PALM2AKAP2: variants seen among roughly 807,000 people sequenced by gnomAD.
PALM2AKAP2 encodes PALM2-AKAP2 fusion protein.
Under a neutral mutation model 71.5 loss-of-function variants are expected in PALM2AKAP2, and 37 were observed. That is an observed-to-expected ratio of 0.52 (90% CI 0.40 to 0.68). The LOEUF is 0.68. PALM2AKAP2 is among the 30% of genes least tolerant of loss of function. PALM2AKAP2 has a pLI of 0.00. For missense variants in PALM2AKAP2, 1,224 were observed against 1,191.8 expected, an observed-to-expected ratio of 1.03 and a Z score of -0.40; for synonymous variants, 468 against 478.8, an observed-to-expected ratio of 0.98 and a Z score of 0.29.
At chr9:110,046,751 A>C (rs987797359), upstream of PALM2AKAP2, among the ~76,000 whole-genome samples, 1 of 152,202 alleles carries the variant, frequency 6.6e-6, no homozygotes, top group Admixed American at 6.5e-5. Flanking sequence ...TACAGGCGTG[A>C]GCCACTTCAC....
At chr9:109,882,981 A>T (rs1174971666) in intron 3 of PALM2AKAP2, among the ~76,000 whole-genome samples, 2 of 152,142 alleles carry the variant, frequency 1.3e-5, no homozygotes, top group Non-Finnish European at 2.9e-5. Context: ...ACTGGGAAAC[A>T]TGGTCTTCCA....
chr9:110,026,040 A>G (rs1220683011), intron 7 of PALM2AKAP2, among the ~76,000 whole-genome samples: 2 of 151,554 alleles, frequency 1.3e-5, no homozygotes, highest in Non-Finnish European at 2.9e-5. Context: ...GGTTGCATCA[A>G]TCTCTCTTCT....
chr9:110,149,422 A>C (rs1377039306), intron 2 of PALM2AKAP2, among the ~76,000 whole-genome samples: 2 of 152,270 alleles, frequency 1.3e-5, no homozygotes, highest in African/African-American at 4.8e-5. Flanking sequence ...GCGTGGGCTA[A>C]TAATATTTAC....
chr9:109,789,810 A>G (rs1484878735), intron 1 of PALM2AKAP2, among the ~76,000 whole-genome samples: 1 of 152,216 alleles, frequency 6.6e-6, no homozygotes, highest in African/African-American at 2.4e-5. Flanking sequence ...TGTTGGAGCT[A>G]CAGTGCCCTT....
intron 1 of PALM2AKAP2, among the ~76,000 whole-genome samples, chr9:110,072,655 T>A (rs1588091383): frequency 6.6e-6 from 1 of 152,150 alleles, no homozygotes; most frequent in Non-Finnish European, 1.5e-5. Flanking sequence ...GAGGGAGCAG[T>A]GTTCATAGGG....
chr9:109,853,939 C>T (rs1183889005), intron 1 of PALM2AKAP2, among the ~76,000 whole-genome samples: 1 of 152,172 alleles, frequency 6.6e-6, no homozygotes, highest in Non-Finnish European at 1.5e-5. Flanking sequence ...GGTGGGCTCT[C>T]ACTGGCTCAA....
At position 110,101,485 on chromosome 9, in the gene PALM2AKAP2, G is replaced by A. The variant is rs1349112324; in HGVS notation, c.157-34642G>A. On this transcript the variant is annotated intron_variant, in intron 1 of 3. Coordinates refer to ENST00000374525, the Ensembl canonical transcript of PALM2AKAP2. ...TCAGTAAGTCTCCATGGATGGCCCA[G>A]GTCAAGGCAGACAAAGGTAGTCACA... Among the ~76,000 whole-genome samples, 4 of 152,240 alleles carry A rather than the reference G, an allele frequency of 2.6e-5. No homozygotes were observed. In the East Asian group the frequency reaches 5.8e-4, roughly 22 times the overall value.
chr9:110,065,765 A>G (rs1564286864), intron 1 of PALM2AKAP2, among the ~76,000 whole-genome samples: 1 of 152,104 alleles, frequency 6.6e-6, no homozygotes. Context: ...GTCTCTATGA[A>G]GTTGTCTACT....
chr9:110,058,898 GTT>G (rs202140304), intron 1 of PALM2AKAP2, among the ~76,000 whole-genome samples: 17 of 111,716 alleles, frequency 1.5e-4, no homozygotes, highest in African/African-American at 3.9e-4. Context: ...AAGTTTTTTG[GTT>G]TTTTTTTTTT....
intron 1 of PALM2AKAP2, among the ~76,000 whole-genome samples, chr9:110,098,645 C>T (rs1339629546): frequency 6.6e-6 from 1 of 152,192 alleles, no homozygotes; most frequent in Non-Finnish European, 1.5e-5. Flanking sequence ...TCCTCTGACA[C>T]ATCAGCCAAG....
chr9:109,921,247 A>G (rs1015228300), intron 3 of PALM2AKAP2, among the ~76,000 whole-genome samples: 4 of 152,180 alleles, frequency 2.6e-5, no homozygotes, highest in Admixed American at 2.0e-4. Context: ...ATGTAGGTGT[A>G]TTGAGCATTT....
At chr9:110,098,973 A>AT (rs768571144) in intron 1 of PALM2AKAP2, among the ~76,000 whole-genome samples, 1 of 152,108 alleles carries the variant, frequency 6.6e-6, no homozygotes, top group Non-Finnish European at 1.5e-5. Context: ...TTTCAGTTAG[A>AT]TTTTTTCAGT....
chr9:110,002,490 C>G (rs1346479823), intron 6 of PALM2AKAP2, among the ~76,000 whole-genome samples: 1 of 151,918 alleles, frequency 6.6e-6, no homozygotes, highest in Non-Finnish European at 1.5e-5. Context: ...GTCTAAAATT[C>G]TCTTTTTTTG....
chr9:109,662,598 T>C (rs1033740907), intron 1 of PALM2AKAP2, among the ~76,000 whole-genome samples: 11 of 151,652 alleles, frequency 7.3e-5, no homozygotes, highest in Non-Finnish European at 1.3e-4. Flanking sequence ...TTTGCATCGA[T>C]GTTCATCAGG....
chr9:110,157,272 TG>T (rs1836481013), intron 3 of PALM2AKAP2, among the ~76,000 whole-genome samples: 1 of 152,090 alleles, frequency 6.6e-6, no homozygotes, highest in Non-Finnish European at 1.5e-5. Context: ...CCTCCTCCCC[TG>T]ACTGCACTTA....
intron 1 of PALM2AKAP2, among the ~76,000 whole-genome samples, chr9:110,100,051 C>CTCTATA (rs143442936): frequency 2.7e-5 from 3 of 109,464 alleles, no homozygotes; most frequent in African/African-American, 9.7e-5. Context: ...GTATGTGTGT[C>CTCTATA]TATATATATA....
intron 5 of PALM2AKAP2, among the ~76,000 whole-genome samples, chr9:109,927,801 G>A (rs1208825045): frequency 6.6e-6 from 1 of 152,152 alleles, no homozygotes; most frequent in African/African-American, 2.4e-5. Context: ...TATTGGGTGG[G>A]TTGGTTTTCA....
chr9:110,154,338 G>C (rs1255218244), intron 2 of PALM2AKAP2, among the ~76,000 whole-genome samples: 1 of 152,104 alleles, frequency 6.6e-6, no homozygotes, highest in Non-Finnish European at 1.5e-5. Context: ...CAAACCGGCT[G>C]GCTCCAGAGC....
chr9:110,016,186 C>T (rs551036341), intron 7 of PALM2AKAP2, 147 bp downstream of exon 7: 48 of 748,734 alleles, frequency 6.4e-5, no homozygotes, highest in African/African-American at 1.9e-4. Flanking sequence ...GGGAGGCAAC[C>T]GTACATAAGA....
Sources: gnomAD v4.1 joint callset for allele counts (sites outside exome capture counted in the v4.1 genomes callset) on GRCh38, gnomAD v4.1.1 for gene constraint, MANE v1.5 for transcripts, NCBI Gene and HGNC (gene_info 2026-07-23, HGNC 2026-07-21) for gene names.